C16orf46: variants seen among roughly 807,000 people sequenced by gnomAD.
C16orf46 encodes the protein chromosome 16 open reading frame 46, also known as uncharacterized protein C16orf46.
Under a neutral mutation model 5.5 loss-of-function variants are expected in C16orf46, and 7 were observed. The observed-to-expected ratio is 1.28, with a 90% CI of 0.73 to 2.40. C16orf46 has a LOEUF of 2.40. Ranked by LOEUF, C16orf46 falls within the 30% of genes most tolerant of loss-of-function variation. The pLI is 0.00. For synonymous variants in C16orf46, 200 were observed against 184.1 expected (o/e 1.09, Z -0.70); for missense variants, 614 against 476.0 (o/e 1.29, Z -2.70).
Position 81,061,818 on chromosome 16 carries a change from G to C in C16orf46, c.531C>G (p.Ile177Met), listed in dbSNP as rs1567573817. The stretch of plus-strand genomic sequence containing the variant: ...AGGCCTTGCCCCTATTAGTGCCGGG[G>C]ATGGCCCAGTCTTTGTTGCACCAAA... ...EFIWCNKDWAIPGTNRGKASG... is the reference protein window; with the variant it reads ...EFIWCNKDWAMPGTNRGKASG... Residue 177 changes from isoleucine to methionine, a missense_variant, in exon 4 of 4, where the codon ATC becomes ATG. Transcript: ENST00000299578. 3.1e-6 allele frequency: 5 copies of C among 1,614,054 alleles called. No individual in the cohort carries two copies. In the African/African-American group the frequency reaches 6.7e-5, roughly 22 times the overall value.
At chr16:81,071,894 T>C (rs1016734114) in intron 1 of C16orf46, 18 of 152,202 alleles carry the variant, frequency 1.2e-4, no homozygotes, top group African/African-American at 4.3e-4. Flanking sequence ...GCCACTGTCT[T>C]TGCCTACTTT....
chr16:81,070,943 G>A (rs1192693905), intron 1 of C16orf46, among the ~76,000 whole-genome samples: 1 of 152,120 alleles, frequency 6.6e-6, no homozygotes, highest in African/African-American at 2.4e-5. Flanking sequence ...TCAAGAGGAA[G>A]GGGCACAGAC....
chr16:81,075,145 G>A (rs1708269615), intron 1 of C16orf46, among the ~76,000 whole-genome samples: 1 of 151,934 alleles, frequency 6.6e-6, no homozygotes, highest in African/African-American at 2.4e-5. Flanking sequence ...ACAATGACCT[G>A]GCCTATGTTT....
intron 1 of C16orf46, among the ~76,000 whole-genome samples, chr16:81,068,110 A>G (rs184868109): frequency 9.0e-4 from 137 of 152,318 alleles, no homozygotes; most frequent in African/African-American, 3.2e-3. Context: ...CTATATTGAG[A>G]TCATGTAATT....
intron 2 of C16orf46, 68 bp from the exon 3 acceptor site, chr16:81,064,061 C>T (rs952902056): frequency 2.4e-6 from 2 of 832,848 alleles, no homozygotes; most frequent in East Asian, 5.4e-5. Context: ...CAATGCAATA[C>T]TCAGGTGAAA....
intron 3 of C16orf46, among the ~76,000 whole-genome samples, chr16:81,054,835 G>C (rs1971249860): frequency 6.8e-6 from 1 of 147,124 alleles, no homozygotes; most frequent in Non-Finnish European, 1.5e-5. Context: ...TTTAGTAGAG[G>C]CAGGGTTTTG....
Position 81,054,083 on chromosome 16 carries a change from CT to C in C16orf46, c.1154del (p.Lys385ArgfsTer3). On this transcript the variant is annotated frameshift_variant, in exon 4 of 4. Transcript: ENST00000378611. LOFTEE classifies it high-confidence loss of function. ...ACTGATCCCTCTCCTACTTTATCTTCTTTTTCCTGTGCTGTAACGAGAAATT... is the reference window on the plus strand; with the variant it reads ...ACTGATCCCTCTCCTACTTTATCTTCTTTTCCTGTGCTGTAACGAGAAATT... The C allele has an allele frequency of 6.2e-7, 1 of 1,612,870 alleles. No homozygotes were observed. The highest frequency in any genetic ancestry group is 2.2e-5 in the East Asian group (1 of 44,868).
At chr16:81,068,374 C>G (rs1971720912) in intron 1 of C16orf46, among the ~76,000 whole-genome samples, 1 of 152,126 alleles carries the variant, frequency 6.6e-6, no homozygotes, top group South Asian at 2.1e-4. Flanking sequence ...TCAGTGTAAA[C>G]TGAGAACAAT....
intron 1 of C16orf46, among the ~76,000 whole-genome samples, chr16:81,070,201 G>A (rs1971800916): frequency 6.6e-6 from 1 of 152,114 alleles, no homozygotes; most frequent in African/African-American, 2.4e-5. Flanking sequence ...AAAATAGATT[G>A]AAAGGTTAAA....
At chr16:81,071,838 G>A (rs1309983180) in intron 1 of C16orf46, among the ~76,000 whole-genome samples, 1 of 151,988 alleles carries the variant, frequency 6.6e-6, no homozygotes, top group African/African-American at 2.4e-5. Flanking sequence ...GGAAGGTGAG[G>A]AACGTTCCGG....
intron 1 of C16orf46, among the ~76,000 whole-genome samples, chr16:81,070,763 C>G (rs574339353): frequency 6.6e-6 from 1 of 152,318 alleles, no homozygotes; most frequent in Admixed American, 6.5e-5. Flanking sequence ...TCTCGGCTCA[C>G]TGCAACCTCC....
intron 1 of C16orf46, among the ~76,000 whole-genome samples, chr16:81,070,808 C>T (rs1971823610): frequency 2.0e-5 from 3 of 152,128 alleles, no homozygotes; most frequent in Admixed American, 6.6e-5. Context: ...CTACCTCAGC[C>T]TCCCGAGTAG....
intron 2 of C16orf46, among the ~76,000 whole-genome samples, chr16:81,065,955 T>C (rs1971643100): frequency 6.6e-6 from 1 of 151,962 alleles, no homozygotes; most frequent in African/African-American, 2.4e-5. Flanking sequence ...AAATTTTAAG[T>C]TGGAAGTTGT....
chr16:81,065,238 C>T (rs905512558), intron 2 of C16orf46, among the ~76,000 whole-genome samples: 1 of 152,078 alleles, frequency 6.6e-6, no homozygotes, highest in Non-Finnish European at 1.5e-5. Context: ...TTTGGGATGC[C>T]GAGCTGGGTG....
intron 1 of C16orf46, among the ~76,000 whole-genome samples, chr16:81,070,617 A>G (rs1189608532): frequency 6.6e-6 from 1 of 152,224 alleles, no homozygotes; most frequent in African/African-American, 2.4e-5. Context: ...TTTACAATGG[A>G]TCATAGATTA....
rs1386165832 is a variant in C16orf46, at chr16:81,061,548, A to G, written c.801T>C (p.Ser267=). Residue 267 remains serine (S), a synonymous_variant, in exon 4 of 4, where the codon AGT becomes AGC. Coordinates refer to ENST00000299578, the MANE Select transcript of C16orf46 (RefSeq NM_152337.3). Reference sequence around the variant, plus strand: ...TGACCATAGGGTGTTTGGCCAGCTCACTGGCTCTTTTTTCACCTTTCCCAT... The same window carrying G: ...TGACCATAGGGTGTTTGGCCAGCTCGCTGGCTCTTTTTTCACCTTTCCCAT... ...TADGKGEKRA[S]ELAKHPMVND... The G allele has an allele frequency of 6.2e-7, 1 of 1,614,128 alleles. No homozygotes were observed. The highest frequency in any genetic ancestry group is 1.1e-5 in the South Asian group (1 of 91,084).
chr16:81,070,493 C>G (rs528360942), intron 1 of C16orf46, among the ~76,000 whole-genome samples: 1 of 152,124 alleles, frequency 6.6e-6, no homozygotes. Context: ...TACACCCCCC[C>G]AAACATGGCC....
chr16:81,061,091 A>T lies in C16orf46; in HGVS notation c.*70T>A, dbSNP rs898400008. 4.8e-5 allele frequency: 73 copies of T among 1,506,906 alleles called. No individual in the cohort carries two copies. Among genetic ancestry groups the T allele is most frequent in the Admixed American group, 6.7e-5 (3 of 45,076 alleles). 93.3% of individuals were successfully genotyped at this position (1,506,906 alleles called of 1,614,324 possible). ...GAGAGTGGGGGGTGGGTGGGAAATG[A>T]GAGAGAAGAAAGAGAAAGGATGGCT... On this transcript the variant is annotated 3_prime_UTR_variant, in exon 4 of 4. Transcript: ENST00000299578.
chr16:81,063,806 A>G lies in C16orf46; in HGVS notation c.150T>C (p.Ile50=). The G allele has an allele frequency of 6.2e-7, 1 of 1,614,124 alleles. No individual in the cohort carries two copies. Among genetic ancestry groups the G allele is most frequent in the Non-Finnish European group, 8.5e-7 (1 of 1,180,016 alleles). The change falls in exon 3 of 4, where the codon ATT becomes ATC. Residue 50 remains isoleucine (I), a synonymous_variant. Transcript: ENST00000299578. ...TGGCTTTTTCATCTTGTTCAAGCGT[A>G]ATGTCACTGACATCGAGAAGACAAT... ...HVYCLLDVSD[I]TLEQDEKAKE... is the part of the protein sequence containing the mutation.
Sources: allele counts gnomAD v4.1 joint callset (sites outside exome capture counted in the v4.1 genomes callset), GRCh38; gene constraint gnomAD v4.1.1; transcripts MANE v1.5; gene names NCBI Gene and HGNC (gene_info 2026-07-23, HGNC 2026-07-21).